TENM1: variants seen among roughly 807,000 people sequenced by gnomAD.
TENM1 encodes the protein teneurin transmembrane protein 1, also known as teneurin-1.
TENM1 carries 35 observed loss-of-function variants against 174.8 expected under a neutral mutation model. The observed-to-expected ratio is 0.20, with a 90% CI of 0.15 to 0.27. TENM1 has a LOEUF of 0.27. Ranked by LOEUF, TENM1 falls within the 10% of genes least tolerant of loss-of-function variation. The pLI is 1.00. For synonymous variants in TENM1, 781 were observed against 798.7 expected (o/e 0.98, Z 0.37); for missense variants, 1,633 against 2,130.1 (o/e 0.77, Z 4.59).
chrX:125,165,545 A>G, the TENM1 span, among the ~76,000 whole-genome samples: 1 of 111,947 alleles, frequency 8.9e-6, no homozygotes, highest in Admixed American at 9.5e-5. Flanking sequence ...GATACAGGTA[A>G]GGGAAAGAGA....
chrX:124,716,849 G>A (rs1007199273), intron 4 of TENM1, among the ~76,000 whole-genome samples: 1 of 111,426 alleles, frequency 9.0e-6, no homozygotes, highest in African/African-American at 3.3e-5. Flanking sequence ...GGTAAGGAAC[G>A]CACTGAGTAT....
At chrX:125,190,069 A>T in the TENM1 span, among the ~76,000 whole-genome samples, 2 of 111,619 alleles carry the variant, frequency 1.8e-5, no homozygotes. Context: ...TTACTCAAAG[A>T]CTTCGCAGAA....
intron 27 of TENM1, among the ~76,000 whole-genome samples, chrX:124,395,747 T>C (rs1275960055): frequency 8.9e-6 from 1 of 112,184 alleles, no homozygotes; most frequent in African/African-American, 3.2e-5. Context: ...CCAGGTGTTC[T>C]TGAACTACCC....
At chrX:124,389,760 T>C (rs2060262893) in intron 28 of TENM1, among the ~76,000 whole-genome samples, 2 of 111,790 alleles carry the variant, frequency 1.8e-5, no homozygotes, top group Admixed American at 1.9e-4. Context: ...CATTTAATTA[T>C]ATCTATTCAG....
intron 28 of TENM1, among the ~76,000 whole-genome samples, chrX:124,387,762 T>C (rs929368964): frequency 8.9e-6 from 1 of 112,479 alleles, no homozygotes; most frequent in Non-Finnish European, 1.9e-5. Flanking sequence ...GTTCATTCTT[T>C]CTTTTCCACC....
intron 11 of TENM1, among the ~76,000 whole-genome samples, chrX:124,597,660 C>T (rs187894630): frequency 2.5e-3 from 275 of 110,536 alleles, no homozygotes; most frequent in African/African-American, 8.3e-3. Context: ...AACCAAACAC[C>T]ACCTCCTCCC....
chrX:124,481,595 G>C (rs1487701715), intron 22 of TENM1, 137 bp downstream of exon 25: 1 of 205,064 alleles, frequency 4.9e-6, no homozygotes, highest in Non-Finnish European at 8.8e-6. Context: ...TCAATATTTT[G>C]GCTCTCAGAG....
intron 3 of TENM1, among the ~76,000 whole-genome samples, chrX:124,756,872 C>T (rs779993032): frequency 9.0e-6 from 1 of 111,526 alleles, no homozygotes; most frequent in South Asian, 3.9e-4. Flanking sequence ...GAGGAGTACC[C>T]GGCCGTGTGA....
chrX:124,382,452 C>T (rs1049577606), intron 31 of TENM1, among the ~76,000 whole-genome samples: 2 of 111,298 alleles, frequency 1.8e-5, no homozygotes, highest in Non-Finnish European at 3.8e-5. Context: ...CAGCAGTCAT[C>T]AAGTAACCTG....
chrX:124,582,506 T>C (rs761412915), intron 11 of TENM1, among the ~76,000 whole-genome samples: 66 of 112,066 alleles, frequency 5.9e-4, no homozygotes, highest in African/African-American at 2.0e-3. Flanking sequence ...ATAAATGGGA[T>C]TGTATTCTTG....
chrX:125,041,297 G>A, the TENM1 span, among the ~76,000 whole-genome samples: 1 of 110,945 alleles, frequency 9.0e-6, no homozygotes, highest in Non-Finnish European at 1.9e-5. Context: ...CAATCCAATG[G>A]ATACAAAGAT....
intron 6 of TENM1, among the ~76,000 whole-genome samples, chrX:124,658,682 T>C (rs2051511438): frequency 8.9e-6 from 1 of 111,904 alleles, no homozygotes; most frequent in African/African-American, 3.2e-5. Context: ...GAAAAGTTAA[T>C]TAACTAATCT....
intron 3 of TENM1, among the ~76,000 whole-genome samples, chrX:124,788,729 T>C (rs2055103904): frequency 8.9e-6 from 1 of 112,791 alleles, no homozygotes; most frequent in Non-Finnish European, 1.9e-5. Flanking sequence ...TGGGCTTCCA[T>C]AGTCTTGGGC....
intron 15 of TENM1, among the ~76,000 whole-genome samples, chrX:124,543,254 T>G (rs1417483285): frequency 8.9e-6 from 1 of 112,463 alleles, no homozygotes; most frequent in Non-Finnish European, 1.9e-5. Context: ...GATATTCTGA[T>G]TTTTATGTTG....
At chrX:125,086,687 A>C in the TENM1 span, among the ~76,000 whole-genome samples, 1 of 110,922 alleles carries the variant, frequency 9.0e-6, no homozygotes, top group Non-Finnish European at 1.9e-5. Flanking sequence ...GACTACATTA[A>C]TAGGCCATTA....
At chrX:124,605,004 G>C (rs768997303) in intron 11 of TENM1, among the ~76,000 whole-genome samples, 30 of 107,021 alleles carry the variant, frequency 2.8e-4, no homozygotes, top group Non-Finnish European at 5.6e-4. Flanking sequence ...AGAGCAAATA[G>C]AGGATTCCAT....
At chrX:124,404,351 C>T (rs1313174329) in intron 27 of TENM1, among the ~76,000 whole-genome samples, 1 of 111,130 alleles carries the variant, frequency 9.0e-6, no homozygotes, top group Non-Finnish European at 1.9e-5. Context: ...AGACAGAGTG[C>T]TATGGCGATT....
At chrX:124,592,422 A>G (rs184067198) in intron 11 of TENM1, among the ~76,000 whole-genome samples, 7 of 101,100 alleles carry the variant, frequency 6.9e-5, no homozygotes, top group African/African-American at 2.6e-4. Context: ...TTCTTTACCT[A>G]TAATATTATT....
Position 124,817,048 on chromosome X carries a change from C to T in TENM1, c.535+77248G>A, listed in dbSNP as rs142049210. 7.0e-3 allele frequency among the ~76,000 whole-genome samples: 776 copies of T among 110,293 alleles called. 7 individuals are homozygous for T. The highest frequency in any genetic ancestry group is 0.029 in the South Asian group (73 of 2,547). On this transcript the variant is annotated intron_variant, in intron 3 of 31. Transcript: ENST00000422452. Reference sequence around the variant, plus strand: ...TGTTATTCCTCCCCTAGCCTCCCAACCCCCAACAGGCCCCAATGTGTGATG... The same window carrying T: ...TGTTATTCCTCCCCTAGCCTCCCAATCCCCAACAGGCCCCAATGTGTGATG...
Sources: allele counts gnomAD v4.1 joint callset (sites outside exome capture counted in the v4.1 genomes callset), GRCh38; gene constraint gnomAD v4.1.1; transcripts MANE v1.5; gene names NCBI Gene and HGNC (gene_info 2026-07-23, HGNC 2026-07-21).